Variants in HSD17B3 observed in about 807,000 individuals in gnomAD.
The protein encoded by HSD17B3 is 17-beta-hydroxysteroid dehydrogenase type 3.
In HSD17B3, 29 loss-of-function variants were observed where a neutral mutation model predicts 41.1. That is an observed-to-expected ratio of 0.71 (90% CI 0.53 to 0.96). HSD17B3 has a LOEUF of 0.96. HSD17B3 is among the 40% of genes least tolerant of loss of function. The pLI is 0.00. For synonymous variants in HSD17B3, 126 were observed against 145.6 expected (o/e 0.87, Z 0.97); for missense variants, 323 against 374.6 (o/e 0.86, Z 1.14).
At chr9:96,245,451 C>T (rs1179986828) in intron 7 of HSD17B3, 25 bp from the exon 8 acceptor site, 1 of 1,587,788 alleles carries the variant, frequency 6.3e-7, no homozygotes, top group Non-Finnish European at 8.7e-7. Flanking sequence ...AGCAAAGTTC[C>T]CATGGCTTTG....
intron 2 of HSD17B3, among the ~76,000 whole-genome samples, chr9:96,278,756 A>T (rs960509999): frequency 6.6e-6 from 1 of 152,194 alleles, no homozygotes; most frequent in Admixed American, 6.5e-5. Flanking sequence ...TTTTTCTTAT[A>T]ACCTCCAGTA....
chr9:96,253,074 C>A (rs1189786583), intron 3 of HSD17B3, among the ~76,000 whole-genome samples, 164 bp from the exon 4 acceptor site: 1 of 152,102 alleles, frequency 6.6e-6, no homozygotes, highest in African/African-American at 2.4e-5. Context: ...TTGGGAGGTG[C>A]TAAGATTGGT....
chr9:96,272,041 A>G (rs1229394970), intron 2 of HSD17B3, among the ~76,000 whole-genome samples: 1 of 151,944 alleles, frequency 6.6e-6, no homozygotes, highest in South Asian at 2.1e-4. Context: ...TGGTGGCCTT[A>G]GTCATTTTCT....
chr9:96,276,129 A>AAAAAAAC (rs1564051377), intron 2 of HSD17B3, among the ~76,000 whole-genome samples: 1 of 138,606 alleles, frequency 7.2e-6, no homozygotes, highest in Admixed American at 7.6e-5. Flanking sequence ...AAAAAAAAAA[A>AAAAAAAC]AAACAGAAGA....
At chr9:96,244,139 G>A (rs1054451359) in intron 9 of HSD17B3, among the ~76,000 whole-genome samples, 190 bp downstream of exon 9, 5 of 152,190 alleles carry the variant, frequency 3.3e-5, no homozygotes, top group African/African-American at 1.2e-4. Flanking sequence ...ACAGCAGCAG[G>A]TGGGACTGAG....
intron 2 of HSD17B3, among the ~76,000 whole-genome samples, chr9:96,274,775 G>GTA (rs1826385112): frequency 6.6e-6 from 1 of 152,116 alleles, no homozygotes; most frequent in Non-Finnish European, 1.5e-5. Flanking sequence ...AAGCAACCCA[G>GTA]TATATATATT....
At position 96,244,428 on chromosome 9, in the gene HSD17B3, G is replaced by T. The variant is rs752526574; in HGVS notation, c.607-34C>A. On this transcript the variant is annotated intron_variant, in intron 8 of 10. Transcript: ENST00000375263. ...AGAAGGAGAGACACCTGAGGCCCCA[G>T]AGTGAGCTCCCTCGTCAGAGCCAAC... The T allele has an allele frequency of 1.9e-6, 3 of 1,609,816 alleles. No homozygotes were observed. The East Asian group carries it at 6.7e-5, about 36-fold the overall frequency.
intron 4 of HSD17B3, 100 bp from the exon 5 acceptor site, chr9:96,251,585 G>A (rs1311360454): frequency 1.9e-5 from 21 of 1,098,050 alleles, no homozygotes; most frequent in African/African-American, 3.1e-5. Flanking sequence ...GTTGTTCATC[G>A]CAGCATGATT....
chr9:96,293,589 A>C (rs1325217857), intron 2 of HSD17B3, among the ~76,000 whole-genome samples: 341 of 111,708 alleles, frequency 3.1e-3, no homozygotes, highest in African/African-American at 5.8e-3. Context: ...CTTCCTCCCC[A>C]CTCTCTTTCT....
intron 2 of HSD17B3, among the ~76,000 whole-genome samples, chr9:96,280,868 C>T (rs1826663854): frequency 6.6e-6 from 1 of 152,162 alleles, no homozygotes; most frequent in Admixed American, 6.5e-5. Context: ...CATTGCTACA[C>T]TCCCACCAGC....
intron 10 of HSD17B3, chr9:96,239,741 T>A (rs1249677418): frequency 3.3e-5 from 5 of 152,242 alleles, no homozygotes; most frequent in Non-Finnish European, 1.5e-5. Flanking sequence ...AAACCCCATC[T>A]AACTTTCTTT....
intron 1 of HSD17B3, among the ~76,000 whole-genome samples, chr9:96,299,629 T>C (rs1194642114): frequency 6.6e-6 from 1 of 152,186 alleles, no homozygotes; most frequent in African/African-American, 2.4e-5. Context: ...GGACCATCAT[T>C]ATCCTTAGTT....
chr9:96,241,780 G>A (rs1370096288), intron 9 of HSD17B3, among the ~76,000 whole-genome samples: 1 of 151,774 alleles, frequency 6.6e-6, no homozygotes, highest in Non-Finnish European at 1.5e-5. Context: ...ATTAAAAATA[G>A]AAAAATTAGT....
At chr9:96,240,641 G>A in intron 10 of HSD17B3, 117 bp downstream of exon 10, 1 of 1,031,932 alleles carries the variant, frequency 9.7e-7, no homozygotes, top group East Asian at 2.4e-5. Flanking sequence ...CTTGTACCTG[G>A]CTATATTAAC....
chr9:96,296,481 G>A (rs1369350425), intron 2 of HSD17B3, among the ~76,000 whole-genome samples: 1 of 152,114 alleles, frequency 6.6e-6, no homozygotes, highest in Non-Finnish European at 1.5e-5. Flanking sequence ...AGCTGATGAA[G>A]ACCACATCTG....
chr9:96,270,955 G>A (rs939716416), intron 2 of HSD17B3, among the ~76,000 whole-genome samples: 20 of 48,420 alleles, frequency 4.1e-4, no homozygotes, highest in Non-Finnish European at 7.8e-4. Flanking sequence ...AATCCTCTCG[G>A]GGGGGGGGGT....
chr9:96,260,239 C>T (rs1825811339), intron 2 of HSD17B3, among the ~76,000 whole-genome samples: 1 of 152,050 alleles, frequency 6.6e-6, no homozygotes, highest in Non-Finnish European at 1.5e-5. Flanking sequence ...TATCCTTGTC[C>T]CATTTTGGTA....
Position 96,245,394 on chromosome 9 carries a change from C to G in HSD17B3, c.557G>C (p.Gly186Ala). 6.2e-7 allele frequency: 1 copy of G among 1,614,048 alleles called. No individual in the cohort carries two copies. The highest frequency in any genetic ancestry group is 8.5e-7 in the Non-Finnish European group (1 of 1,179,956). The change falls in exon 8 of 11, where the codon GGG (glycine) becomes GCG (alanine). Residue 186 changes from glycine to alanine, a missense_variant. By Grantham distance (60) the Gly-to-Ala change is moderately conservative. Coordinates refer to ENST00000375263, the MANE Select transcript of HSD17B3 (RefSeq NM_000197.2). ...QKGLILNISS[G>A]IALFPWPLYS... Reference sequence around the variant, plus strand: ...GAGAGGCCAAGGAAACAGGGCTATCCCAGAAGAAATGTTCAGGATGAGACC... The same window carrying G: ...GAGAGGCCAAGGAAACAGGGCTATCGCAGAAGAAATGTTCAGGATGAGACC...
At chr9:96,278,668 ACCATGAATTTGATGGTAGG>A (rs1467955030) in intron 2 of HSD17B3, among the ~76,000 whole-genome samples, 2 of 152,186 alleles carry the variant, frequency 1.3e-5, no homozygotes, top group Admixed American at 1.3e-4. Flanking sequence ...AATGATGGGA[ACCATGAATTTGATGGTAGG>A]CCATGAATTT....
Sources: gnomAD v4.1 joint callset for allele counts (sites outside exome capture counted in the v4.1 genomes callset) on GRCh38, gnomAD v4.1.1 for gene constraint, MANE v1.5 for transcripts, NCBI Gene and HGNC (gene_info 2026-07-23, HGNC 2026-07-21) for gene names.